The following PRKX variants were observed in gnomAD, a reference collection of about 807,000 sequenced individuals.
The protein encoded by PRKX is cAMP-dependent protein kinase catalytic subunit PRKX.
Under a neutral mutation model 22.0 loss-of-function variants are expected in PRKX, and 12 were observed. The observed-to-expected ratio is 0.54, with a 90% CI of 0.35 to 0.88. The LOEUF (loss-of-function observed/expected upper bound fraction) is 0.88. Among genes scored for constraint, PRKX ranks in the 40% least tolerant of loss-of-function variants. The probability of loss-of-function intolerance (pLI) is 0.01; values close to 1 mark genes in which losing one functional copy is unlikely to be tolerated. For missense variants in PRKX, 217 were observed against 308.0 expected (o/e 0.70, Z 2.21); for synonymous variants, 134 against 137.7 (o/e 0.97, Z 0.19).
At chrX:3,708,720 C>T (rs1216340640) in intron 1 of PRKX, among the ~76,000 whole-genome samples, 1 of 109,294 alleles carries the variant, frequency 9.1e-6, no homozygotes, top group South Asian at 4.0e-4. Flanking sequence ...TAAAATTAGC[C>T]AGGCATGGTG....
At chrX:3,630,247 G>A (rs1418963327) in intron 4 of PRKX, among the ~76,000 whole-genome samples, 1 of 112,544 alleles carries the variant, frequency 8.9e-6, no homozygotes, top group Non-Finnish European at 1.9e-5. Context: ...AACTACCTGA[G>A]ACTGGGTAAT....
intron 7 of PRKX, among the ~76,000 whole-genome samples, chrX:3,612,558 G>A (rs1430384755): frequency 9.0e-6 from 1 of 111,313 alleles, no homozygotes; most frequent in Non-Finnish European, 1.9e-5. Context: ...AAGGTGAGGC[G>A]GGAGGGTTGC....
chrX:3,691,164 G>A (rs1158441093), intron 1 of PRKX, among the ~76,000 whole-genome samples: 4 of 111,759 alleles, frequency 3.6e-5, no homozygotes, highest in African/African-American at 1.3e-4. Flanking sequence ...CGGGAGTTAC[G>A]TGCTGCAGAA....
chrX:3,692,623 G>T (rs982759150), intron 1 of PRKX, among the ~76,000 whole-genome samples: 4 of 108,045 alleles, frequency 3.7e-5, no homozygotes, highest in African/African-American at 1.4e-4. Flanking sequence ...CGTCTCCCAG[G>T]TTCACGCCAT....
rs12687454 is a variant in PRKX, at chrX:3,636,588, G to A, written c.719+5264C>T. ...GAAAGGGCCAGCCCTGGCTGGGTGTGGTGGCTCACGCCTGTAACCCCAGCA... is the reference window on the plus strand; with the variant it reads ...GAAAGGGCCAGCCCTGGCTGGGTGTAGTGGCTCACGCCTGTAACCCCAGCA... On this transcript the variant is annotated intron_variant, in intron 4 of 8. Coordinates refer to ENST00000262848, the MANE Select transcript of PRKX (RefSeq NM_005044.5). Among the ~76,000 whole-genome samples the A allele has an allele frequency of 2.7e-4, 31 of 112,932 alleles. No homozygotes were observed. The East Asian group carries it at 8.4e-3, about 31-fold the overall frequency.
intron 4 of PRKX, among the ~76,000 whole-genome samples, chrX:3,637,477 G>A (rs1244731973): frequency 9.0e-6 from 1 of 111,207 alleles, no homozygotes; most frequent in African/African-American, 3.3e-5. Context: ...TGGTCCAGGC[G>A]AGCTCAGGCC....
intron 2 of PRKX, among the ~76,000 whole-genome samples, chrX:3,662,423 C>T (rs1286851721): frequency 2.7e-5 from 3 of 110,748 alleles, no homozygotes; most frequent in Non-Finnish European, 5.7e-5. Flanking sequence ...GGGCCAGGCG[C>T]AGTGGCTCAT....
At chrX:3,631,232 C>G (rs1926774208) in intron 4 of PRKX, among the ~76,000 whole-genome samples, 1 of 112,303 alleles carries the variant, frequency 8.9e-6, no homozygotes, top group Non-Finnish European at 1.9e-5. Context: ...TGATCTTACC[C>G]CAACAACCTG....
At chrX:3,635,998 G>A (rs187762640) in intron 4 of PRKX, among the ~76,000 whole-genome samples, 2 of 112,282 alleles carry the variant, frequency 1.8e-5, no homozygotes, top group Admixed American at 9.5e-5. Context: ...TCCTTGGAAA[G>A]TGCATGAGTG....
intron 4 of PRKX, among the ~76,000 whole-genome samples, chrX:3,629,419 T>G (rs766603118): frequency 8.1e-4 from 88 of 108,314 alleles, no homozygotes; most frequent in Non-Finnish European, 1.3e-3. Flanking sequence ...GTTTTGTTTT[T>G]TTTTTTTTTT....
At chrX:3,689,806 T>C (rs1220779904) in intron 1 of PRKX, among the ~76,000 whole-genome samples, 9 of 111,242 alleles carry the variant, frequency 8.1e-5, no homozygotes, top group Admixed American at 3.8e-4. Flanking sequence ...TGAAACCCTG[T>C]CTCCACTAAA....
At chrX:3,693,401 G>C (rs368157704) in intron 1 of PRKX, among the ~76,000 whole-genome samples, 1 of 111,312 alleles carries the variant, frequency 9.0e-6, no homozygotes, top group African/African-American at 3.3e-5. Flanking sequence ...CAAGAGGGAG[G>C]GTGGAGATGA....
chrX:3,713,291 G>C lies in PRKX; in HGVS notation c.-38C>G. The C allele has an allele frequency of 1.0e-6, 1 of 962,680 alleles. No individual in the cohort carries two copies. The highest frequency in any genetic ancestry group is 1.3e-6 in the Non-Finnish European group (1 of 771,362). The allele number at this position is 962,680 out of a possible 1,213,427, so 79.3% of individuals were successfully genotyped here. Reference sequence around the variant, plus strand: ...AGGTCCGGGGCACCGGGCCAGGCCGGAGCGCTCGGGGAGCCGGGCTTCCCG... The same window carrying C: ...AGGTCCGGGGCACCGGGCCAGGCCGCAGCGCTCGGGGAGCCGGGCTTCCCG... On this transcript the variant is annotated 5_prime_UTR_variant, in exon 1 of 9. Coordinates refer to ENST00000262848, the MANE Select transcript of PRKX (RefSeq NM_005044.5).
chrX:3,651,817 G>A (rs972528162), intron 3 of PRKX, among the ~76,000 whole-genome samples: 26 of 111,739 alleles, frequency 2.3e-4, no homozygotes, highest in African/African-American at 7.8e-4. Context: ...GACAGAAGCC[G>A]ATAGCCATGT....
At chrX:3,610,768 A>C (rs1926279492) in intron 8 of PRKX, among the ~76,000 whole-genome samples, 2 of 111,085 alleles carry the variant, frequency 1.8e-5, no homozygotes, top group Non-Finnish European at 1.9e-5. Context: ...TATTAGAGAA[A>C]GGTTCTATTT....
chrX:3,651,387 A>G (rs1184472990), intron 3 of PRKX, among the ~76,000 whole-genome samples: 1 of 112,326 alleles, frequency 8.9e-6, no homozygotes, highest in East Asian at 2.8e-4. Flanking sequence ...GTTTTCTTTG[A>G]ATTAGACTTG....
chrX:3,647,371 G>T (rs1927209829), intron 3 of PRKX, among the ~76,000 whole-genome samples: 1 of 104,410 alleles, frequency 9.6e-6, no homozygotes, highest in Non-Finnish European at 1.9e-5. Flanking sequence ...ATATAAAACT[G>T]TATCCATTTA....
At chrX:3,670,272 C>G (rs1412928285) in intron 2 of PRKX, 4 of 123,182 alleles carry the variant, frequency 3.2e-5, no homozygotes, top group Non-Finnish European at 5.6e-5. Flanking sequence ...CAGCATGCAA[C>G]GTTGGACACC....
chrX:3,705,090 C>T (rs1928655399), intron 1 of PRKX, among the ~76,000 whole-genome samples: 1 of 111,782 alleles, frequency 8.9e-6, no homozygotes, highest in Non-Finnish European at 1.9e-5. Flanking sequence ...AAATCCATTT[C>T]GGCTGCCATC....
Sources: gnomAD v4.1 joint callset for allele counts (sites outside exome capture counted in the v4.1 genomes callset) on GRCh38, gnomAD v4.1.1 for gene constraint, MANE v1.5 for transcripts, NCBI Gene and HGNC (gene_info 2026-07-23, HGNC 2026-07-21) for gene names.